Variants in LMTK2 observed in about 807,000 individuals in gnomAD.
The protein encoded by LMTK2 is serine/threonine-protein kinase LMTK2.
Under a neutral mutation model 127.5 loss-of-function variants are expected in LMTK2, and 37 were observed. The observed-to-expected ratio is 0.29, with a 90% CI of 0.22 to 0.38. The LOEUF (loss-of-function observed/expected upper bound fraction) is 0.38. Among genes scored for constraint, LMTK2 ranks in the 10% least tolerant of loss-of-function variants. The pLI, the probability that LMTK2 is intolerant of heterozygous loss-of-function variation, is 1.00. For synonymous variants in LMTK2, 819 were observed against 810.1 expected (o/e 1.01, Z -0.19); for missense variants, 1,694 against 1,920.3 (o/e 0.88, Z 2.20).
At chr7:98,131,275 G>A (rs565454590) in intron 1 of LMTK2, among the ~76,000 whole-genome samples, 108 of 152,298 alleles carry the variant, frequency 7.1e-4, no homozygotes, top group African/African-American at 2.5e-3. Flanking sequence ...AAATGTCATA[G>A]TTTTTAAAAT....
intron 8 of LMTK2, 73 bp from the exon 9 acceptor site, chr7:98,186,804 C>A: frequency 7.3e-7 from 1 of 1,364,538 alleles, no homozygotes; most frequent in Non-Finnish European, 1.0e-6. Context: ...CTGAGAATAC[C>A]ATGGATTTAA....
intron 1 of LMTK2, among the ~76,000 whole-genome samples, chr7:98,118,190 C>T (rs1328685124): frequency 6.6e-6 from 1 of 152,198 alleles, no homozygotes; most frequent in African/African-American, 2.4e-5. Flanking sequence ...CCACCATAAA[C>T]ATTCTAAATA....
At chr7:98,114,066 A>G (rs775580237) in intron 1 of LMTK2, among the ~76,000 whole-genome samples, 17 of 151,926 alleles carry the variant, frequency 1.1e-4, no homozygotes, top group Non-Finnish European at 2.2e-4. Context: ...AGCATTGATC[A>G]GTATCTTTCA....
chr7:98,115,825 C>G (rs997813814), intron 1 of LMTK2, among the ~76,000 whole-genome samples: 1 of 152,122 alleles, frequency 6.6e-6, no homozygotes, highest in Non-Finnish European at 1.5e-5. Flanking sequence ...TTTCATCATA[C>G]CAGTCTACTA....
In LMTK2 at chr7:98,154,876, A is replaced by G; in HGVS notation, c.569A>G (p.Tyr190Cys). 6.4e-7 allele frequency: 1 copy of G among 1,552,786 alleles called. No individual in the cohort carries two copies. Among genetic ancestry groups the G allele is most frequent in the Non-Finnish European group, 8.9e-7 (1 of 1,124,038 alleles). The change falls in exon 5 of 14, where the codon TAC (tyrosine) becomes TGC (cysteine). Residue 190 changes from tyrosine (Y) to cysteine (C), a missense_variant and splice_region_variant. Transcript: ENST00000297293. ...DTFLKNGEPY[Y>C]ILQHPNILQC... Reference sequence around the variant, plus strand: ...TTTTTGAAAAATGGAGAACCTTACTAGTAAGTAAACCTTGTCATGTGTTCT... The same window carrying G: ...TTTTTGAAAAATGGAGAACCTTACTGGTAAGTAAACCTTGTCATGTGTTCT...
intron 4 of LMTK2, among the ~76,000 whole-genome samples, chr7:98,151,987 A>C (rs1796864665): frequency 6.6e-6 from 1 of 152,232 alleles, no homozygotes; most frequent in South Asian, 2.1e-4. Flanking sequence ...GCCTTTAAAA[A>C]AAAAGTATCT....
intron 4 of LMTK2, 46 bp from the exon 5 acceptor site, chr7:98,154,712 T>TAG (rs1409786530): frequency 7.9e-7 from 1 of 1,259,670 alleles, no homozygotes; most frequent in African/African-American, 1.5e-5. Flanking sequence ...CAGACTCCTT[T>TAG]ATCATTTTGA....
At chr7:98,111,561 G>T (rs1009569429) in intron 1 of LMTK2, among the ~76,000 whole-genome samples, 1 of 152,136 alleles carries the variant, frequency 6.6e-6, no homozygotes, top group Non-Finnish European at 1.5e-5. Context: ...TCAGTTACTC[G>T]ACCTCTGGGC....
chr7:98,142,512 A>G (rs932112945), intron 3 of LMTK2, among the ~76,000 whole-genome samples: 2 of 152,170 alleles, frequency 1.3e-5, no homozygotes, highest in Non-Finnish European at 2.9e-5. Flanking sequence ...GGTCTAATAT[A>G]TTCTTGGGAT....
At chr7:98,120,996 G>T (rs1796352932) in intron 1 of LMTK2, among the ~76,000 whole-genome samples, 1 of 152,178 alleles carries the variant, frequency 6.6e-6, no homozygotes, top group Non-Finnish European at 1.5e-5. Context: ...TAGGCACCCG[G>T]TAGACTTAGA....
At chr7:98,159,987 A>T (rs1377880586) in intron 6 of LMTK2, among the ~76,000 whole-genome samples, 1 of 152,230 alleles carries the variant, frequency 6.6e-6, no homozygotes, top group African/African-American at 2.4e-5. Flanking sequence ...ACAGTTGGAA[A>T]GATTGTTCTT....
At chr7:98,129,824 T>C (rs1216759322) in intron 1 of LMTK2, among the ~76,000 whole-genome samples, 1 of 152,170 alleles carries the variant, frequency 6.6e-6, no homozygotes, top group African/African-American at 2.4e-5. Context: ...GACTTCTACC[T>C]GAATGCTAGG....
rs546627005 is a variant in LMTK2, at chr7:98,179,841, A to G, written c.792-5210A>G. ...GTGTGGCAAGTGATGTGAGGTAGCTAACTGGAATCCACATTGAGGACCAGC... is the reference window on the plus strand; with the variant it reads ...GTGTGGCAAGTGATGTGAGGTAGCTGACTGGAATCCACATTGAGGACCAGC... On this transcript the variant is annotated intron_variant, in intron 7 of 13. Transcript: ENST00000297293. 1.1e-4 allele frequency among the ~76,000 whole-genome samples: 16 copies of G among 152,278 alleles called. No individual in the cohort carries two copies. The East Asian group carries it at 2.7e-3, about 26-fold the overall frequency.
intron 7 of LMTK2, among the ~76,000 whole-genome samples, chr7:98,183,190 GC>G (rs1486224275): frequency 6.6e-6 from 1 of 152,200 alleles, no homozygotes; most frequent in Non-Finnish European, 1.5e-5. Flanking sequence ...TGTAGAGAAT[GC>G]CTTTCCCTTT....
chr7:98,135,336 A>G (rs960668025), intron 1 of LMTK2, among the ~76,000 whole-genome samples: 1 of 152,014 alleles, frequency 6.6e-6, no homozygotes, highest in Non-Finnish European at 1.5e-5. Context: ...TTTTTGAGAC[A>G]GGGTCTTGCT....
At chr7:98,130,673 A>C (rs1796508527) in intron 1 of LMTK2, among the ~76,000 whole-genome samples, 1 of 152,168 alleles carries the variant, frequency 6.6e-6, no homozygotes, top group African/African-American at 2.4e-5. Flanking sequence ...ACACAGACAC[A>C]CGTAGAGGGG....
chr7:98,205,342 G>A (rs1437052321), intron 13 of LMTK2, 122 bp from the exon 14 acceptor site: 7 of 1,152,366 alleles, frequency 6.1e-6, no homozygotes, highest in Non-Finnish European at 8.9e-6. Context: ...CGGCTCAGGC[G>A]GTGCTGGGCT....
In LMTK2 at chr7:98,106,956, G is replaced by C; in HGVS notation, c.-222G>C. ...GGCGTTGCTGCTGTTGAGAGGCGGC[G>C]GCGGCGGCGCAGGCGGGCGGGAAGG... On this transcript the variant is annotated 5_prime_UTR_variant, in exon 1 of 14. Coordinates refer to ENST00000297293, the MANE Select transcript of LMTK2 (RefSeq NM_014916.4). 1 of 461,596 alleles carries C rather than the reference G, an allele frequency of 2.2e-6. No individual in the cohort carries two copies. Among genetic ancestry groups the C allele is most frequent in the Non-Finnish European group, 3.8e-6 (1 of 260,844 alleles). The allele number at this position is 461,596 out of a possible 1,614,324, so 28.6% of individuals were successfully genotyped here.
intron 13 of LMTK2, among the ~76,000 whole-genome samples, chr7:98,205,050 G>A (rs1335872535): frequency 6.6e-6 from 1 of 152,134 alleles, no homozygotes; most frequent in Non-Finnish European, 1.5e-5. Flanking sequence ...TTCTTTCCCC[G>A]TCACTAGATT....
Sources: gnomAD v4.1 joint callset for allele counts (sites outside exome capture counted in the v4.1 genomes callset) on GRCh38, gnomAD v4.1.1 for gene constraint, MANE v1.5 for transcripts, NCBI Gene and HGNC (gene_info 2026-07-23, HGNC 2026-07-21) for gene names.